Variants in PARP14 observed in about 807,000 individuals in gnomAD.
PARP14 encodes poly(ADP-ribose) polymerase family member 14.
Under a neutral mutation model 154.2 loss-of-function variants are expected in PARP14, and 59 were observed. That is an observed-to-expected ratio of 0.38 (90% CI 0.31 to 0.48). The LOEUF (loss-of-function observed/expected upper bound fraction) is 0.48. PARP14 is among the 20% of genes least tolerant of loss of function. The pLI is 0.98. For missense variants in PARP14, 1,734 were observed against 2,131.6 expected (o/e 0.81, Z 3.67); for synonymous variants, 720 against 780.5 (o/e 0.92, Z 1.29).
At chr3:122,711,177 GT>G (rs1939309820) in intron 9 of PARP14, among the ~76,000 whole-genome samples, 1 of 152,094 alleles carries the variant, frequency 6.6e-6, no homozygotes, top group Non-Finnish European at 1.5e-5. Flanking sequence ...GTTCCCAGGG[GT>G]ATGCTGTCAA....
At chr3:122,714,702 G>A (rs554680087) in intron 12 of PARP14, among the ~76,000 whole-genome samples, 47 of 152,316 alleles carry the variant, frequency 3.1e-4, no homozygotes, top group Non-Finnish European at 6.5e-4. Context: ...AGGAGGAGAA[G>A]AGAAGGGAGA....
At position 122,707,035 on chromosome 3, in the gene PARP14, G is replaced by C. The variant is rs145973962; in HGVS notation, c.3541-1155G>C. ...TTGACTGACCATTATGGTAATTCAT[G>C]TTCATTGTAGAAACTTTGAACAATG... On this transcript the variant is annotated intron_variant, in intron 8 of 16. Transcript: ENST00000474629. Among the ~76,000 whole-genome samples the C allele has an allele frequency of 3.6e-3, 555 of 152,272 alleles. 4 individuals are homozygous for C. Among genetic ancestry groups the C allele is most frequent in the African/African-American group, 0.012 (479 of 41,546 alleles).
Position 122,728,696 on chromosome 3 carries a change from T to G in PARP14, c.*99T>G. ...TTTTTAATTCCTCTTAACAGATTTT[T>G]CTAATATCCAAGGATCATTCTTTGT... On this transcript the variant is annotated 3_prime_UTR_variant, in exon 17 of 17. Coordinates refer to ENST00000474629, the MANE Select transcript of PARP14 (RefSeq NM_017554.3). The G allele has an allele frequency of 1.1e-6, 1 of 901,542 alleles. No homozygotes were observed. The highest frequency in any genetic ancestry group is 1.7e-6 in the Non-Finnish European group (1 of 580,974). 55.8% of individuals were successfully genotyped at this position (901,542 alleles called of 1,614,324 possible). A position where few individuals can be genotyped will look rare whatever the true frequency, so the allele number is the denominator to read the frequency against.
In PARP14 at chr3:122,700,220, A is replaced by C; in HGVS notation, c.1666A>C (p.Lys556Gln). Residue 556 changes from lysine to glutamine, a missense_variant, in exon 6 of 17, where the codon AAG becomes CAG. Coordinates refer to ENST00000474629, the MANE Select transcript of PARP14 (RefSeq NM_017554.3). ...ACAGGTAAACTGGAAAGAATTCTCT[A>C]AGTGTCTTTTCATAGCACAGAAGAT... The part of the protein sequence containing the change: ...LQQVNWKEFS[K>Q]CLFIAQKILA... The C allele has an allele frequency of 6.2e-7, 1 of 1,611,830 alleles. No individual in the cohort carries two copies. The highest frequency in any genetic ancestry group is 8.5e-7 in the Non-Finnish European group (1 of 1,178,582).
At chr3:122,720,763 A>AT in intron 15 of PARP14, 2 of 459,746 alleles carry the variant, frequency 4.4e-6, no homozygotes, top group Admixed American at 4.7e-5. Flanking sequence ...TTATTCACAG[A>AT]TCAACAGTGC....
intron 9 of PARP14, among the ~76,000 whole-genome samples, chr3:122,712,996 G>A (rs1040272104): frequency 2.0e-5 from 3 of 152,208 alleles, no homozygotes; most frequent in Admixed American, 2.0e-4. Flanking sequence ...TCAAAGCTGG[G>A]AGAGAAAAGA....
chr3:122,720,384 A>G lies in PARP14; in HGVS notation c.4937A>G (p.Glu1646Gly). 1 of 1,612,902 alleles carries G rather than the reference A, an allele frequency of 6.2e-7. No homozygotes were observed. The highest frequency in any genetic ancestry group is 8.5e-7 in the Non-Finnish European group (1 of 1,179,462). Residue 1646 changes from glutamate to glycine, a missense_variant, in exon 15 of 17, where the codon GAG (glutamate) becomes GGG (glycine). Physicochemically the swap from Glu to Gly is moderately conservative, Grantham distance 98. Around this residue, in one of 2 missense-constraint regions of PARP14, gnomAD observed 1,646 missense variants for 1,976.0 expected, o/e 0.83. Coordinates refer to ENST00000474629, the MANE Select transcript of PARP14 (RefSeq NM_017554.3). The part of the protein sequence containing the change: ...FNQTCSHFRI[E>G]KIERIQNPDL... ...CAGACCTGCTCACACTTCAGAATAG[A>G]GAAGGTAAGCCTTCTGCTAGAATGC...
chr3:122,725,820 ATC>A (rs1394715502), intron 15 of PARP14, among the ~76,000 whole-genome samples: 1 of 152,078 alleles, frequency 6.6e-6, no homozygotes, highest in East Asian at 1.9e-4. Flanking sequence ...TACCATATTA[ATC>A]TCTGTTTTCT....
Position 122,718,357 on chromosome 3 carries a change from A to G in PARP14, c.4208-2A>G. 6.2e-7 allele frequency: 1 copy of G among 1,610,548 alleles called. No individual in the cohort carries two copies. The highest frequency in any genetic ancestry group is 8.5e-7 in the Non-Finnish European group (1 of 1,178,588). ...AATACCTAATCTTCCTTTTCTTTTT[A>G]GCATTTTTGGGCTTTTCAAAGCAAT... On this transcript the variant is annotated splice_acceptor_variant, in intron 13 of 16. Coordinates refer to ENST00000474629, the MANE Select transcript of PARP14 (RefSeq NM_017554.3). LOFTEE classifies it high-confidence loss of function.
At chr3:122,720,424 G>A in intron 15 of PARP14, 36 bp downstream of exon 15, 1 of 1,597,956 alleles carries the variant, frequency 6.3e-7, no homozygotes, top group Non-Finnish European at 8.6e-7. Flanking sequence ...TCTGGATGGT[G>A]GAAATAAGTT....
chr3:122,714,016 G>A, intron 11 of PARP14, 82 bp downstream of exon 11: 1 of 1,011,314 alleles, frequency 9.9e-7, no homozygotes, highest in Non-Finnish European at 1.5e-6. Flanking sequence ...TTAGGGTTGG[G>A]GAGACAACAC....
intron 5 of PARP14, among the ~76,000 whole-genome samples, chr3:122,696,081 C>T (rs1384001192): frequency 2.6e-5 from 4 of 152,164 alleles, no homozygotes; most frequent in Non-Finnish European, 5.9e-5. Flanking sequence ...CCTATTGTAT[C>T]ATCATTCAAA....
rs149970234 is a variant in PARP14 at position 122,708,879 on chromosome 3, C to T, written c.3619+611C>T. 1.1e-3 allele frequency among the ~76,000 whole-genome samples: 169 copies of T among 152,126 alleles called. 4 individuals are homozygous for T. In the East Asian group the frequency reaches 0.028, roughly 25 times the overall value. On this transcript the variant is annotated intron_variant, in intron 9 of 16. Coordinates refer to ENST00000474629, the MANE Select transcript of PARP14 (RefSeq NM_017554.3). ...TTGTTCTTCAGATTGGATAATTTAT[C>T]TTGACCTGCCTTCAAGTTCACTGAG...
intron 4 of PARP14, among the ~76,000 whole-genome samples, chr3:122,693,097 T>C (rs1423494572): frequency 6.6e-6 from 1 of 152,162 alleles, no homozygotes; most frequent in Non-Finnish European, 1.5e-5. Flanking sequence ...AACACAAAGG[T>C]GCGAATGCAT....
intron 11 of PARP14, 86 bp downstream of exon 11, chr3:122,714,020 A>T: frequency 1.0e-6 from 1 of 974,212 alleles, no homozygotes; most frequent in Non-Finnish European, 1.6e-6. Flanking sequence ...GGTTGGGGAG[A>T]CAACACTCTA....
In PARP14 at chr3:122,704,605, G is replaced by C. The variant is rs1939090675; in HGVS notation, c.3397G>C (p.Gly1133Arg). Residue 1133 changes from glycine to arginine, a missense_variant, in exon 8 of 17, where the codon GGA becomes CGA. By Grantham distance (125) the Gly-to-Arg change is moderately radical (BLOSUM62 -2). Around this residue, in one of 2 missense-constraint regions of PARP14, gnomAD observed 1,646 missense variants for 1,976.0 expected, o/e 0.83. Coordinates refer to ENST00000474629, the MANE Select transcript of PARP14 (RefSeq NM_017554.3). ...AAAATCAATTGCATTTCCAGCAATAGGAACAGGAAACTTGGGATTTCCTAA... is the reference window on the plus strand; with the variant it reads ...AAAATCAATTGCATTTCCAGCAATACGAACAGGAAACTTGGGATTTCCTAA... ...SLKSIAFPAI[G>R]TGNLGFPKNI... 1.2e-6 allele frequency: 2 copies of C among 1,607,624 alleles called. No homozygotes were observed. The highest frequency in any genetic ancestry group is 1.3e-5 in the African/African-American group (1 of 74,812).
intron 6 of PARP14, among the ~76,000 whole-genome samples, chr3:122,703,539 C>T (rs1340690389): frequency 1.3e-5 from 2 of 152,160 alleles, no homozygotes; most frequent in East Asian, 3.8e-4. Context: ...TCATAGATTA[C>T]TTTTTGACTG....
At chr3:122,715,595 C>CATCT (rs56863397) in intron 12 of PARP14, among the ~76,000 whole-genome samples, 18,146 of 142,456 alleles carry the variant, frequency 0.13, 1,204 homozygotes, top group Middle Eastern at 0.17. Context: ...CTCTACCAGT[C>CATCT]ATCTATCTAT....
At chr3:122,702,683 TG>T (rs1939015042) in intron 6 of PARP14, among the ~76,000 whole-genome samples, 1 of 152,218 alleles carries the variant, frequency 6.6e-6, no homozygotes, top group South Asian at 2.1e-4. Flanking sequence ...GATTGGAATT[TG>T]TTCAGGCTCT....
Sources: allele counts gnomAD v4.1 joint callset (sites outside exome capture counted in the v4.1 genomes callset), GRCh38; gene constraint gnomAD v4.1.1; regional missense constraint gnomAD v4.1.1; transcripts MANE v1.5; gene names NCBI Gene and HGNC (gene_info 2026-07-23, HGNC 2026-07-21).